The following NFIB variants were observed in gnomAD, a reference collection of about 807,000 sequenced individuals.
NFIB encodes nuclear factor I B.
A neutral mutation model predicts 61.5 loss-of-function variants in NFIB; 11 were observed. The observed-to-expected ratio is 0.18, with a 90% CI of 0.11 to 0.30. The LOEUF is 0.30. NFIB is among the 10% of genes least tolerant of loss of function. NFIB has a pLI of 1.00. For synonymous variants in NFIB, 260 were observed against 216.5 expected (o/e 1.20, Z -1.76); for missense variants, 471 against 608.9 (o/e 0.77, Z 2.38).
chr9:14,404,423 CA>C, the NFIB span, among the ~76,000 whole-genome samples: 3 of 152,178 alleles, frequency 2.0e-5, no homozygotes. Context: ...GAATCAAGAC[CA>C]CATGCATATA....
the NFIB span, among the ~76,000 whole-genome samples, chr9:14,413,528 T>G: frequency 6.6e-6 from 1 of 152,198 alleles, no homozygotes; most frequent in Non-Finnish European, 1.5e-5. Context: ...TCAGGGTTTT[T>G]TATCTGTAAA....
the NFIB span, among the ~76,000 whole-genome samples, chr9:14,473,111 T>A: frequency 6.6e-6 from 1 of 152,136 alleles, no homozygotes; most frequent in Non-Finnish European, 1.5e-5. Context: ...GTTCTAGAGG[T>A]GAAGGAATGG....
intron 1 of NFIB, among the ~76,000 whole-genome samples, chr9:14,322,778 C>T (rs374350114): frequency 6.6e-6 from 1 of 151,916 alleles, no homozygotes; most frequent in East Asian, 1.9e-4. Context: ...GCGCCCCTCT[C>T]GAGCGTGGGT....
intron 1 of NFIB, among the ~76,000 whole-genome samples, chr9:14,372,021 G>A (rs865838714): frequency 2.6e-4 from 40 of 152,166 alleles, no homozygotes; most frequent in African/African-American, 8.4e-4. Flanking sequence ...AGCCTCACTC[G>A]GTGAGCTTAG....
intron 7 of NFIB, among the ~76,000 whole-genome samples, chr9:14,125,276 G>C (rs1289847674): frequency 6.6e-6 from 1 of 152,136 alleles, no homozygotes; most frequent in African/African-American, 2.4e-5. Flanking sequence ...TCCTGCCTCA[G>C]CCTCCTGAGT....
At chr9:14,416,479 T>C in the NFIB span, among the ~76,000 whole-genome samples, 9 of 151,476 alleles carry the variant, frequency 5.9e-5, no homozygotes, top group Admixed American at 3.3e-4. Context: ...CCCAGGCTAA[T>C]GTGTGTGTTT....
At chr9:14,243,009 A>G in intron 2 of NFIB, among the ~76,000 whole-genome samples, 1 of 152,242 alleles carries the variant, frequency 6.6e-6, no homozygotes, top group Non-Finnish European at 1.5e-5. Context: ...ACATCAAGAT[A>G]TATCTATATT....
intron 1 of NFIB, among the ~76,000 whole-genome samples, chr9:14,364,171 A>G (rs1342730123): frequency 6.6e-6 from 1 of 152,228 alleles, no homozygotes; most frequent in Non-Finnish European, 1.5e-5. Flanking sequence ...TTACACTCAC[A>G]GCCACAGTGT....
chr9:14,392,611 C>T (rs1353199256), intron 1 of NFIB, among the ~76,000 whole-genome samples: 1 of 151,978 alleles, frequency 6.6e-6, no homozygotes, highest in Non-Finnish European at 1.5e-5. Flanking sequence ...ACCTGTAGTC[C>T]CAGCTACTCA....
At chr9:14,479,922 G>C in the NFIB span, among the ~76,000 whole-genome samples, 1 of 151,986 alleles carries the variant, frequency 6.6e-6, no homozygotes, top group African/African-American at 2.4e-5. Context: ...GCACAACCTT[G>C]TGAATATACT....
rs71491637 is a variant in NFIB at position 14,187,027 on chromosome 9, ATGTGTGTGTGTGTGTGTG to A, written c.563-7265_563-7248del. On this transcript the variant is annotated intron_variant, in intron 2 of 10. Coordinates refer to ENST00000380953, the MANE Select transcript of NFIB (RefSeq NM_001190737.2). ...CTCCTGTGTGTGTGTGTGTGTGTGT[ATGTGTGTGTGTGTGTGTG>A]TGTGTGTGTGTGTGTGTGTGTGTGT... Among the ~76,000 whole-genome samples the A allele has an allele frequency of 9.2e-4, 56 of 61,006 alleles. 1 individual carries two copies. The highest frequency in any genetic ancestry group is 7.2e-3 in the South Asian group (9 of 1,256). The allele number at this position is 61,006 out of a possible 152,430, so 40.0% of individuals were successfully genotyped here.
At chr9:14,146,932 A>T in intron 5 of NFIB, 125 bp from the exon 6 acceptor site, 12 of 1,267,112 alleles carry the variant, frequency 9.5e-6, no homozygotes, top group Non-Finnish European at 1.3e-5. Context: ...AATGGTGAGT[A>T]TAATGGTGAG....
chr9:14,351,768 G>A (rs2061115760), intron 1 of NFIB, among the ~76,000 whole-genome samples: 1 of 152,218 alleles, frequency 6.6e-6, no homozygotes. Context: ...TGGTGAGCAT[G>A]TTGTCCTGTC....
chr9:14,493,826 A>G, the NFIB span, among the ~76,000 whole-genome samples: 1 of 152,222 alleles, frequency 6.6e-6, no homozygotes, highest in East Asian at 1.9e-4. Flanking sequence ...CCTTGTAGGT[A>G]AAGGTTGTTT....
the NFIB span, among the ~76,000 whole-genome samples, chr9:14,430,722 C>A: frequency 6.6e-6 from 1 of 152,194 alleles, no homozygotes; most frequent in Non-Finnish European, 1.5e-5. Context: ...GCTGGGATGA[C>A]AGGCACTCAC....
chr9:14,211,109 T>G (rs1462580223), intron 2 of NFIB, among the ~76,000 whole-genome samples: 1 of 152,228 alleles, frequency 6.6e-6, no homozygotes. Flanking sequence ...TAAGTATCAC[T>G]GCAACCTGGA....
chr9:14,433,734 TA>T, the NFIB span, among the ~76,000 whole-genome samples: 4 of 152,100 alleles, frequency 2.6e-5, no homozygotes, highest in Non-Finnish European at 5.9e-5. Flanking sequence ...TCAGTGCAAA[TA>T]AAAAACCCCA....
At chr9:14,503,108 GTGTGTATGTGTGTGTA>G in the NFIB span, among the ~76,000 whole-genome samples, 12 of 144,778 alleles carry the variant, frequency 8.3e-5, no homozygotes, top group Non-Finnish European at 3.0e-5. Context: ...ATATATATAT[GTGTGTATGTGTGTGTA>G]TGTGTGTGTG....
At chr9:14,093,993 A>C (rs1048130242) in intron 10 of NFIB, among the ~76,000 whole-genome samples, 2 of 152,078 alleles carry the variant, frequency 1.3e-5, no homozygotes, top group Admixed American at 6.6e-5. Context: ...CTACCTTAAA[A>C]CTTTTAATCC....
Sources: allele counts gnomAD v4.1 joint callset (sites outside exome capture counted in the v4.1 genomes callset), GRCh38; gene constraint gnomAD v4.1.1; transcripts MANE v1.5; gene names NCBI Gene and HGNC (gene_info 2026-07-23, HGNC 2026-07-21).